ITCH: variants seen among roughly 807,000 people sequenced by gnomAD.
ITCH encodes itchy E3 ubiquitin protein ligase.
In ITCH, 28 loss-of-function variants were observed where a neutral mutation model predicts 126.8. That is an observed-to-expected ratio of 0.22 (90% CI 0.16 to 0.30). The LOEUF is 0.30. ITCH is among the 10% of genes least tolerant of loss of function. The pLI is 1.00. For synonymous variants in ITCH, 342 were observed against 340.0 expected (o/e 1.01, Z -0.06); for missense variants, 631 against 1,032.4 (o/e 0.61, Z 5.33).
At chr20:34,478,837 G>A (rs1277584432) in intron 17 of ITCH, among the ~76,000 whole-genome samples, 1 of 152,020 alleles carries the variant, frequency 6.6e-6, no homozygotes, top group Non-Finnish European at 1.5e-5. Flanking sequence ...ATAAGTTAAA[G>A]GCAATTGAAG....
chr20:34,416,174 G>C (rs1979814743), intron 6 of ITCH, among the ~76,000 whole-genome samples: 1 of 152,094 alleles, frequency 6.6e-6, no homozygotes, highest in Non-Finnish European at 1.5e-5. Context: ...CGAGGCAGGC[G>C]GATCACCTAA....
chr20:34,481,134 T>C lies in ITCH; in HGVS notation c.2021T>C (p.Ile674Thr). 6.2e-7 allele frequency: 1 copy of C among 1,613,270 alleles called. No homozygotes were observed. The highest frequency in any genetic ancestry group is 8.5e-7 in the Non-Finnish European group (1 of 1,179,402). The change falls in exon 20 of 25, where the codon ATT becomes ACT. Residue 674 changes from isoleucine to threonine, a missense_variant. Physicochemically the swap from Ile to Thr is moderately conservative, Grantham distance 89. Coordinates refer to ENST00000374864, the MANE Select transcript of ITCH (RefSeq NM_031483.7). Reference protein sequence around the residue: ...FSVDKEILGEIKSHDLKPNGG... With the variant: ...FSVDKEILGETKSHDLKPNGG... The stretch of plus-strand genomic sequence containing the variant: ...GTTGACAAAGAAATTCTAGGTGAAA[T>C]TAAGAGTCATGATCTGAAACCTAAT...
At chr20:34,392,175 A>G (rs905971202) in intron 2 of ITCH, among the ~76,000 whole-genome samples, 7 of 152,198 alleles carry the variant, frequency 4.6e-5, no homozygotes, top group Admixed American at 3.9e-4. Context: ...AGCCATTTGA[A>G]TCAGAATAAT....
intron 7 of ITCH, among the ~76,000 whole-genome samples, chr20:34,427,496 C>T (rs1284209163): frequency 6.6e-6 from 1 of 151,996 alleles, no homozygotes; most frequent in African/African-American, 2.4e-5. Context: ...CCTGTAGTCC[C>T]AGCTGTTGGA....
At position 34,507,287 on chromosome 20, in the gene ITCH, T is replaced by TG. The variant is rs1238582012; in HGVS notation, c.2490-408_2490-407insG. 1.6e-3 allele frequency among the ~76,000 whole-genome samples: 162 copies of TG among 104,504 alleles called. 1 individual carries two copies. Among genetic ancestry groups the TG allele is most frequent in the Non-Finnish European group, 2.1e-3 (103 of 49,866 alleles). 68.6% of individuals were successfully genotyped at this position (104,504 alleles called of 152,430 possible). ...TGTTTTTTTTTTTTTTTTTTTTTTT[T>TG]TTGGTTGTTGTTGTTGTTGTTTTGG... On this transcript the variant is annotated intron_variant, in intron 24 of 24. Coordinates refer to ENST00000374864, the MANE Select transcript of ITCH (RefSeq NM_031483.7).
At chr20:34,418,900 T>G (rs1980359480) in intron 6 of ITCH, among the ~76,000 whole-genome samples, 1 of 151,974 alleles carries the variant, frequency 6.6e-6, no homozygotes, top group African/African-American at 2.4e-5. Context: ...TAGCTGGGAT[T>G]ACAGGCAAGC....
chr20:34,384,650 A>T (rs1455042650), intron 2 of ITCH, among the ~76,000 whole-genome samples: 2 of 129,740 alleles, frequency 1.5e-5, no homozygotes, highest in South Asian at 2.5e-4. Context: ...CATGGTGGAT[A>T]TTAGGGTCTT....
Position 34,507,805 on chromosome 20 carries a change from C to G in ITCH, c.*11C>G, listed in dbSNP as rs1226860483. 6.3e-7 allele frequency: 1 copy of G among 1,596,600 alleles called. No individual in the cohort carries two copies. The highest frequency in any genetic ancestry group is 1.7e-5 in the Admixed American group (1 of 59,988). Reference sequence around the variant, plus strand: ...TTTGGACAAGAGTAACTTCTGAGAACTTGCACCATGAATGGGCAAGAACTT... The same window carrying G: ...TTTGGACAAGAGTAACTTCTGAGAAGTTGCACCATGAATGGGCAAGAACTT... On this transcript the variant is annotated 3_prime_UTR_variant, in exon 25 of 25. Coordinates refer to ENST00000374864, the MANE Select transcript of ITCH (RefSeq NM_031483.7).
intron 4 of ITCH, among the ~76,000 whole-genome samples, chr20:34,412,068 A>G (rs866707783): frequency 2.6e-5 from 4 of 152,198 alleles, no homozygotes; most frequent in East Asian, 3.8e-4. Flanking sequence ...ACCTTAGGCA[A>G]TTTGCTTTAT....
intron 7 of ITCH, 136 bp downstream of exon 7, chr20:34,424,661 A>G: frequency 2.4e-6 from 2 of 819,894 alleles, no homozygotes; most frequent in South Asian, 2.9e-5. Flanking sequence ...GAAGGGAAAT[A>G]TTTGCAAAAG....
intron 10 of ITCH, among the ~76,000 whole-genome samples, chr20:34,444,125 A>G (rs1374957231): frequency 6.6e-6 from 1 of 152,248 alleles, no homozygotes; most frequent in Non-Finnish European, 1.5e-5. Flanking sequence ...TTTATATAAC[A>G]TCAGAATATT....
chr20:34,466,679 C>T (rs1238953638), intron 14 of ITCH, among the ~76,000 whole-genome samples: 1 of 152,130 alleles, frequency 6.6e-6, no homozygotes, highest in Non-Finnish European at 1.5e-5. Context: ...GCAGGACTTA[C>T]ACCACATCAT....
intron 2 of ITCH, among the ~76,000 whole-genome samples, chr20:34,373,456 A>G (rs2037717529): frequency 1.3e-5 from 2 of 151,970 alleles, no homozygotes; most frequent in Admixed American, 6.6e-5. Context: ...TTATATTTTT[A>G]CTAGAGATGG....
chr20:34,389,732 G>A (rs369430375), intron 2 of ITCH, among the ~76,000 whole-genome samples: 36 of 152,154 alleles, frequency 2.4e-4, no homozygotes, highest in Non-Finnish European at 4.7e-4. Context: ...TCATGTTTCA[G>A]ACTTTATTAC....
At chr20:34,406,501 T>G (rs1051309920) in intron 3 of ITCH, among the ~76,000 whole-genome samples, 2 of 151,598 alleles carry the variant, frequency 1.3e-5, no homozygotes, top group Admixed American at 6.6e-5. Context: ...TGCTTAGATA[T>G]CCAGACTTTG....
intron 5 of ITCH, 113 bp downstream of exon 5, chr20:34,412,752 T>C: frequency 1.1e-6 from 1 of 889,672 alleles, no homozygotes. Context: ...AAGTTTTACT[T>C]GGTTATAGGA....
At chr20:34,429,181 T>C (rs534820628) in intron 7 of ITCH, among the ~76,000 whole-genome samples, 2 of 152,268 alleles carry the variant, frequency 1.3e-5, no homozygotes, top group African/African-American at 4.8e-5. Flanking sequence ...TCAAGTGATC[T>C]GCCCACCTCG....
At chr20:34,413,712 C>T in intron 5 of ITCH, 30 bp from the exon 6 acceptor site, 2 of 1,586,050 alleles carry the variant, frequency 1.3e-6, no homozygotes, top group Non-Finnish European at 1.7e-6. Context: ...AAAAAGTGAC[C>T]ATTTTTTCTG....
chr20:34,390,188 A>C (rs575244740), intron 2 of ITCH, among the ~76,000 whole-genome samples: 1 of 152,268 alleles, frequency 6.6e-6, no homozygotes, highest in South Asian at 2.1e-4. Flanking sequence ...CTTGCATGCA[A>C]CAGGCAGTTT....
Sources: allele counts gnomAD v4.1 joint callset (sites outside exome capture counted in the v4.1 genomes callset), GRCh38; gene constraint gnomAD v4.1.1; transcripts MANE v1.5; gene names NCBI Gene and HGNC (gene_info 2026-07-23, HGNC 2026-07-21).